Variants in GOLM1 observed in about 807,000 individuals in gnomAD.
GOLM1 encodes golgi membrane protein 1, also known as epididymis luminal protein 46.
A neutral mutation model predicts 50.5 loss-of-function variants in GOLM1; 31 were observed. The observed-to-expected ratio is 0.61, with a 90% confidence interval of 0.46 to 0.83. The LOEUF (loss-of-function observed/expected upper bound fraction) is 0.83. GOLM1 is among the 40% of genes least tolerant of loss of function. The pLI is 0.00. For missense variants in GOLM1, 491 were observed against 501.3 expected (o/e 0.98, Z 0.20); for synonymous variants, 178 against 192.8 (o/e 0.92, Z 0.64).
intron 3 of GOLM1, among the ~76,000 whole-genome samples, chr9:86,057,770 C>G (rs909682753): frequency 2.0e-5 from 3 of 152,236 alleles, no homozygotes; most frequent in African/African-American, 7.2e-5. Flanking sequence ...TCCTGGGCCT[C>G]AGTCACATCC....
chr9:86,079,126 C>G, intron 2 of GOLM1, 66 bp downstream of exon 2: 1 of 1,368,432 alleles, frequency 7.3e-7, no homozygotes, highest in Non-Finnish European at 9.8e-7. Flanking sequence ...CCCCTGGGAC[C>G]CCATCATAAC....
At chr9:86,039,205 T>C (rs1185783264) in intron 6 of GOLM1, among the ~76,000 whole-genome samples, 4 of 152,170 alleles carry the variant, frequency 2.6e-5, no homozygotes, top group Non-Finnish European at 5.9e-5. Flanking sequence ...ATGCTGAATA[T>C]CATCAGGGAT....
At chr9:86,046,899 A>G (rs911949657) in intron 4 of GOLM1, among the ~76,000 whole-genome samples, 1 of 149,656 alleles carries the variant, frequency 6.7e-6, no homozygotes, top group Non-Finnish European at 1.5e-5. Context: ...TGTAGACATC[A>G]TAAGCCCCGA....
In GOLM1 at chr9:86,047,118, T is replaced by C. The variant is rs10115024; in HGVS notation, c.365-546A>G. Among the ~76,000 whole-genome samples the C allele has an allele frequency of 4.3e-3, 609 of 142,240 alleles. 5 individuals carry two copies. The highest frequency in any genetic ancestry group is 0.016 in the African/African-American group (576 of 36,838). 93.3% of individuals were successfully genotyped at this position (142,240 alleles called of 152,430 possible). A position where few individuals can be genotyped will look rare whatever the true frequency, so the allele number is the denominator to read the frequency against. ...TCTCCAAGGCCCTGTGCCCATTTAA[T>C]CAACCAACACTCTCATCAGGGAAAG... is the stretch of plus-strand genomic sequence containing the variant. On this transcript the variant is annotated intron_variant, in intron 4 of 9. Coordinates refer to ENST00000388712, the MANE Select transcript of GOLM1 (RefSeq NM_016548.4).
At chr9:86,031,961 A>G (rs1425749154) in intron 9 of GOLM1, among the ~76,000 whole-genome samples, 4 of 150,104 alleles carry the variant, frequency 2.7e-5, no homozygotes, top group African/African-American at 7.4e-5. Flanking sequence ...GACGCCAGAC[A>G]TGACGTGCCT....
At chr9:86,076,990 T>C (rs2118846025) in intron 3 of GOLM1, among the ~76,000 whole-genome samples, 1 of 152,316 alleles carries the variant, frequency 6.6e-6, no homozygotes, top group Admixed American at 6.5e-5. Context: ...TCTCTGTTAG[T>C]ATTTAGTAGA....
chr9:86,064,491 T>C (rs919920938), intron 3 of GOLM1, among the ~76,000 whole-genome samples: 1 of 152,176 alleles, frequency 6.6e-6, no homozygotes, highest in Non-Finnish European at 1.5e-5. Flanking sequence ...GCAACATCAC[T>C]TTTTACTCCA....
chr9:86,049,380 T>C (rs974579039), intron 4 of GOLM1, among the ~76,000 whole-genome samples: 1 of 152,218 alleles, frequency 6.6e-6, no homozygotes, highest in African/African-American at 2.4e-5. Context: ...ATATGAACTT[T>C]AAAGTAGTTT....
chr9:86,083,029 T>G (rs1320780453), intron 1 of GOLM1, among the ~76,000 whole-genome samples: 1 of 152,170 alleles, frequency 6.6e-6, no homozygotes, highest in Non-Finnish European at 1.5e-5. Flanking sequence ...TGTGCCAAGA[T>G]CTGCTTAACT....
At chr9:86,034,755 C>T (rs1833082462) in intron 8 of GOLM1, among the ~76,000 whole-genome samples, 1 of 152,174 alleles carries the variant, frequency 6.6e-6, no homozygotes, top group Non-Finnish European at 1.5e-5. Context: ...GCGCAGGTGT[C>T]ATGTCCTCAG....
chr9:86,036,061 C>G (rs959930933), intron 7 of GOLM1, among the ~76,000 whole-genome samples: 13 of 152,060 alleles, frequency 8.5e-5, no homozygotes, highest in African/African-American at 3.1e-4. Flanking sequence ...GTGTCTGGGG[C>G]TCAGCCGCCT....
rs1179512840 is a variant in GOLM1, at chr9:86,046,468, AC to A, written c.467+1del. 2 of 1,581,896 alleles carry A rather than the reference AC, an allele frequency of 1.3e-6. No individual in the cohort carries two copies. The highest frequency in any genetic ancestry group is 1.7e-6 in the Non-Finnish European group (2 of 1,150,688). ...GTGGCACGCGCTCTGAGGTGTACTC[AC>A]AGGTCGTAGGAGAACTTCCTCTCCA... On this transcript the variant is annotated splice_donor_variant, in intron 5 of 9. Coordinates refer to ENST00000388712, the MANE Select transcript of GOLM1 (RefSeq NM_016548.4). LOFTEE classifies it high-confidence loss of function.
intron 1 of GOLM1, among the ~76,000 whole-genome samples, chr9:86,085,475 G>A (rs1025187100): frequency 6.1e-5 from 7 of 115,478 alleles, no homozygotes; most frequent in African/African-American, 2.2e-4. Context: ...TTTTTTGAAG[G>A]TTCTACTTTT....
intron 1 of GOLM1, among the ~76,000 whole-genome samples, chr9:86,099,082 A>C (rs56133389): frequency 0.19 from 28,873 of 152,144 alleles, 4,104 homozygotes; most frequent in East Asian, 0.52. Context: ...CGCGTGACAA[A>C]GCTCAGAACA....
chr9:86,027,316 ATTGT>A lies in GOLM1; in HGVS notation c.*497_*500del. 3 of 985,990 alleles carry A rather than the reference ATTGT, an allele frequency of 3.0e-6. No individual in the cohort carries two copies. The highest frequency in any genetic ancestry group is 9.4e-5 in the South Asian group (2 of 21,324). The allele number at this position is 985,990 out of a possible 1,614,324, so 61.1% of individuals were successfully genotyped here. A position where few individuals can be genotyped will look rare whatever the true frequency, so the allele number is the denominator to read the frequency against. On this transcript the variant is annotated 3_prime_UTR_variant, in exon 10 of 10. Transcript: ENST00000388712. ...AGTGCTCTAGGCCATTGATTGATTG[ATTGT>A]CAGAATCAGAAGTGACTACACAAGA...
intron 3 of GOLM1, among the ~76,000 whole-genome samples, chr9:86,057,689 T>C (rs746920786): frequency 6.6e-6 from 1 of 152,198 alleles, no homozygotes; most frequent in Non-Finnish European, 1.5e-5. Flanking sequence ...ATAGGCATGC[T>C]GCGGCCCTGG....
At chr9:86,041,048 C>T (rs1306709579) in intron 5 of GOLM1, among the ~76,000 whole-genome samples, 180 bp from the exon 6 acceptor site, 1 of 152,132 alleles carries the variant, frequency 6.6e-6, no homozygotes. Context: ...CCAAAAGAAA[C>T]ACACTAAAAA....
intron 3 of GOLM1, among the ~76,000 whole-genome samples, chr9:86,074,225 T>G (rs1387064617): frequency 7.7e-6 from 1 of 129,918 alleles, no homozygotes; most frequent in Non-Finnish European, 1.5e-5. Flanking sequence ...AATGCTAACC[T>G]TCTAAGATTT....
At chr9:86,049,709 T>C (rs530319537) in intron 4 of GOLM1, among the ~76,000 whole-genome samples, 192 of 152,360 alleles carry the variant, frequency 1.3e-3, no homozygotes, top group Non-Finnish European at 1.9e-3. Context: ...TTTTTGCACA[T>C]TGATTTTGTA....
Sources: gnomAD v4.1 joint callset for allele counts (sites outside exome capture counted in the v4.1 genomes callset) on GRCh38, gnomAD v4.1.1 for gene constraint, MANE v1.5 for transcripts, NCBI Gene and HGNC (gene_info 2026-07-23, HGNC 2026-07-21) for gene names.